Variants in ZNF292 observed in about 807,000 individuals in gnomAD.
ZNF292 encodes 16 zinc-finger domain protein.
A neutral mutation model predicts 217.9 loss-of-function variants in ZNF292; 26 were observed. The ratio of observed to expected loss-of-function variants is 0.12; its 90% CI spans 0.09 to 0.17. The LOEUF (loss-of-function observed/expected upper bound fraction) is 0.17. Ranked by LOEUF, ZNF292 falls within the 10% of genes least tolerant of loss-of-function variation. The pLI, the probability that ZNF292 is intolerant of heterozygous loss-of-function variation, is 1.00. For synonymous variants in ZNF292, 1,257 were observed against 1,124.1 expected, an observed-to-expected ratio of 1.12 and a Z score of -2.37; for missense variants, 2,904 against 3,175.2, an observed-to-expected ratio of 0.91 and a Z score of 2.05.
Position 87,254,937 on chromosome 6 carries a change from G to T in ZNF292, c.1308G>T (p.Leu436Phe). 1 of 1,613,828 alleles carries T rather than the reference G, an allele frequency of 6.2e-7. No individual in the cohort carries two copies. The highest frequency in any genetic ancestry group is 1.1e-5 in the South Asian group (1 of 91,070). ...TACGCTGTGAGCTGTTACTTGTATT[G>T]AAAACTCAATGGCCCTTTGATCCAG... Reference protein sequence around the residue: ...NSLRCELLLVLKTQWPFDPEF... With the variant: ...NSLRCELLLVFKTQWPFDPEF... Residue 436 changes from leucine to phenylalanine, a missense_variant, in exon 8 of 8, where the codon TTG (leucine) becomes TTT (phenylalanine). Around this residue, in one of 15 missense-constraint regions of ZNF292, gnomAD observed 15 missense variants for 46.8 expected, o/e 0.32. Transcript: ENST00000369577.
At chr6:87,209,298 T>A (rs1582422636) in intron 1 of ZNF292, among the ~76,000 whole-genome samples, 1 of 152,200 alleles carries the variant, frequency 6.6e-6, no homozygotes, top group Non-Finnish European at 1.5e-5. Flanking sequence ...TATTTCTTTT[T>A]GTTCCATTCC....
chr6:87,249,572 A>G lies in ZNF292; in HGVS notation c.1020+3928A>G, dbSNP rs186582360. ...CAAGCAGAGGTTTTATCTTAAAACTAGAATCATAGATTATTATTATTTTAG... is the reference window on the plus strand; with the variant it reads ...CAAGCAGAGGTTTTATCTTAAAACTGGAATCATAGATTATTATTATTTTAG... On this transcript the variant is annotated intron_variant, in intron 7 of 7. Transcript: ENST00000369577. The G allele has an allele frequency of 2.1e-3, 335 of 160,394 alleles. 6 individuals carry two copies. The South Asian group carries it at 0.029, about 14-fold the overall frequency. The allele number at this position is 160,394 out of a possible 1,614,324, so 9.9% of individuals were successfully genotyped here.
chr6:87,214,038 G>A (rs560759909), intron 1 of ZNF292, among the ~76,000 whole-genome samples: 1 of 152,166 alleles, frequency 6.6e-6, no homozygotes, highest in Non-Finnish European at 1.5e-5. Flanking sequence ...ACAGTTTGGG[G>A]TATCAGTTTC....
At chr6:87,217,778 AC>A (rs1033169892) in intron 3 of ZNF292, among the ~76,000 whole-genome samples, 10 of 152,104 alleles carry the variant, frequency 6.6e-5, no homozygotes, top group Admixed American at 1.3e-4. Context: ...TGAGGATTAG[AC>A]TTTTTGTTTG....
rs1180663991 is a variant in ZNF292, at chr6:87,239,678, G to A, written c.742-3797G>A. Among the ~76,000 whole-genome samples the A allele has an allele frequency of 1.3e-4, 11 of 86,432 alleles. 1 individual carries two copies. The highest frequency in any genetic ancestry group is 6.9e-4 in the African/African-American group (9 of 13,064). 56.7% of individuals were successfully genotyped at this position (86,432 alleles called of 152,430 possible). ...GGGCTCCTCACTTCTCAGACGGGGC[G>A]GCTGCCGGGCGGAGGGGCTCCTCAC... On this transcript the variant is annotated intron_variant, in intron 5 of 7. Coordinates refer to ENST00000369577, the MANE Select transcript of ZNF292 (RefSeq NM_015021.3).
Position 87,176,245 on chromosome 6 carries a change from A to G in ZNF292, c.168+20486A>G, listed in dbSNP as rs538193237. On this transcript the variant is annotated intron_variant, in intron 1 of 7. Coordinates refer to ENST00000369577, the MANE Select transcript of ZNF292 (RefSeq NM_015021.3). ...TTTTCAGAAATGAAGACCCAAAGAT[A>G]CAGGGAAACCTGTGTATTTCAGTGC... is the stretch of plus-strand genomic sequence containing the variant. Among the ~76,000 whole-genome samples the G allele has an allele frequency of 3.9e-5, 6 of 152,358 alleles. No individual in the cohort carries two copies. The South Asian group carries it at 8.3e-4, about 21-fold the overall frequency.
At position 87,263,460 on chromosome 6, in the gene ZNF292, GAATA is replaced by G. The variant is rs1158394148; in HGVS notation, c.*1665_*1668del. The G allele has an allele frequency of 7.2e-5, 11 of 151,964 alleles. No individual in the cohort carries two copies. Among genetic ancestry groups the G allele is most frequent in the Admixed American group, 7.2e-4 (11 of 15,250 alleles). 9.4% of individuals were successfully genotyped at this position (151,964 alleles called of 1,614,324 possible). A position where few individuals can be genotyped will look rare whatever the true frequency, so the allele number is the denominator to read the frequency against. On this transcript the variant is annotated 3_prime_UTR_variant, in exon 8 of 8. Coordinates refer to ENST00000369577, the MANE Select transcript of ZNF292 (RefSeq NM_015021.3). ...CACTTACTGAAATCGCTGGTACTCT[GAATA>G]AATAAGCATGGTCAAGGAGTGAACT...
intron 1 of ZNF292, among the ~76,000 whole-genome samples, chr6:87,185,929 A>G (rs1238425080): frequency 1.3e-5 from 2 of 152,160 alleles, no homozygotes; most frequent in African/African-American, 4.8e-5. Context: ...TCCCTCCAGA[A>G]ACCTCATGCA....
intron 7 of ZNF292, among the ~76,000 whole-genome samples, chr6:87,248,129 A>G (rs1582498881): frequency 1.3e-5 from 2 of 152,356 alleles, no homozygotes; most frequent in East Asian, 3.9e-4. Context: ...AGGTGCTACC[A>G]TTGTGTAGAA....
In ZNF292 at chr6:87,260,739, T is replaced by C. The variant is rs773402759; in HGVS notation, c.7110T>C (p.Ala2370=). Residue 2370 remains alanine (A), a synonymous_variant, in exon 8 of 8, where the codon GCT becomes GCC. Transcript: ENST00000369577. Reference sequence around the variant, plus strand: ...GGAAGCATGTATATTCTATAAAGGCTAGAAATGATGCCCTGTCTGAGTGTA... The same window carrying C: ...GGAAGCATGTATATTCTATAAAGGCCAGAAATGATGCCCTGTCTGAGTGTA... ...KRGKHVYSIK[A]RNDALSECTS... 1.9e-6 allele frequency: 3 copies of C among 1,613,482 alleles called. No individual in the cohort carries two copies. The highest frequency in any genetic ancestry group is 2.5e-6 in the Non-Finnish European group (3 of 1,179,616).
At chr6:87,165,757 C>CTTTT (rs71014998) in intron 1 of ZNF292, among the ~76,000 whole-genome samples, 28 of 131,264 alleles carry the variant, frequency 2.1e-4, no homozygotes, top group African/African-American at 4.0e-4. Context: ...GTTTACATTT[C>CTTTT]TTTTTTTTTT....
intron 1 of ZNF292, among the ~76,000 whole-genome samples, chr6:87,165,175 T>C (rs1770875035): frequency 6.6e-6 from 1 of 152,230 alleles, no homozygotes. Flanking sequence ...TCCTAGTTCT[T>C]GTCCCAATGA....
chr6:87,243,445 G>T lies in ZNF292; in HGVS notation c.742-30G>T, dbSNP rs376800175. 31 of 1,513,672 alleles carry T rather than the reference G, an allele frequency of 2.0e-5. No homozygotes were observed. In the East Asian group the frequency reaches 7.6e-4, roughly 37 times the overall value. The allele number at this position is 1,513,672 out of a possible 1,614,324, so 93.8% of individuals were successfully genotyped here. A position where few individuals can be genotyped will look rare whatever the true frequency, so the allele number is the denominator to read the frequency against. On this transcript the variant is annotated intron_variant, in intron 5 of 7. Transcript: ENST00000369577. The stretch of plus-strand genomic sequence containing the variant: ...CTATATTCTAATATAAAACCATTTT[G>T]TGGCATATTTCTATTGGCTTTTTCT...
In ZNF292 at chr6:87,249,939, A is replaced by G. The variant is rs991551106; in HGVS notation, c.1020+4295A>G. 4.5e-4 allele frequency among the ~76,000 whole-genome samples: 67 copies of G among 149,878 alleles called. 1 individual carries two copies. Among genetic ancestry groups the G allele is most frequent in the African/African-American group, 1.6e-3 (66 of 40,590 alleles). ...TTGCCAGGCTGGTCTCGAACTCCTG[A>G]CCTCAGATGATCTGCCCACCTCAGC... On this transcript the variant is annotated intron_variant, in intron 7 of 7. Transcript: ENST00000369577.
chr6:87,265,044 G>A lies in ZNF292; in HGVS notation c.*3243G>A, dbSNP rs1343094712. 1.3e-5 allele frequency among the ~76,000 whole-genome samples: 2 copies of A among 152,100 alleles called. No homozygotes were observed. The highest frequency in any genetic ancestry group is 3.9e-4 in the East Asian group (2 of 5,188). On this transcript the variant is annotated 3_prime_UTR_variant, in exon 8 of 8. Transcript: ENST00000369577. ...GTAGTGAGATACTAGGCAGGTGGAA[G>A]GTTATTGCTGTGATGAAATAAGTTT...
chr6:87,250,443 G>A (rs906160290), intron 7 of ZNF292, among the ~76,000 whole-genome samples: 1 of 151,868 alleles, frequency 6.6e-6, no homozygotes, highest in Non-Finnish European at 1.5e-5. Flanking sequence ...GTGAGACCCT[G>A]TCTCAAAAAA....
At chr6:87,223,126 G>A (rs1582447860) in intron 4 of ZNF292, 2 of 182,142 alleles carry the variant, frequency 1.1e-5, no homozygotes, top group Middle Eastern at 5.2e-3. Flanking sequence ...CATCACTCAG[G>A]CTGGAGTGCA....
intron 2 of ZNF292, 101 bp downstream of exon 2, chr6:87,216,158 A>C (rs868329739): frequency 5.1e-5 from 63 of 1,224,692 alleles, no homozygotes; most frequent in Middle Eastern, 2.0e-4. Flanking sequence ...CACACACACA[A>C]CATTAAATCT....
In ZNF292 at chr6:87,204,554, A is replaced by ATTTTTTTTTTTTTTTTTTTTTTTT. The variant is rs68087857; in HGVS notation, c.169-11346_169-11323dup. ...TAGGATTTGGTTGGTAACATTTAGG[A>ATTTTTTTTTTTTTTTTTTTTTTTT]TTTTTTTTTTTTTTTTTTTTTTTTT... On this transcript the variant is annotated intron_variant, in intron 1 of 7. Coordinates refer to ENST00000369577, the MANE Select transcript of ZNF292 (RefSeq NM_015021.3). Among the ~76,000 whole-genome samples, 2 of 63,640 alleles carry ATTTTTTTTTTTTTTTTTTTTTTTT rather than the reference A, an allele frequency of 3.1e-5. 1 individual carries two copies. Among genetic ancestry groups the ATTTTTTTTTTTTTTTTTTTTTTTT allele is most frequent in the African/African-American group, 1.4e-4 (2 of 14,370 alleles). The allele number at this position is 63,640 out of a possible 152,430, so 41.8% of individuals were successfully genotyped here. A position where few individuals can be genotyped will look rare whatever the true frequency, so the allele number is the denominator to read the frequency against.
Sources: allele counts gnomAD v4.1 joint callset (sites outside exome capture counted in the v4.1 genomes callset), GRCh38; gene constraint gnomAD v4.1.1; regional missense constraint gnomAD v4.1.1; transcripts MANE v1.5; gene names NCBI Gene and HGNC (gene_info 2026-07-23, HGNC 2026-07-21).